CDC40: variants seen among roughly 807,000 people sequenced by gnomAD.
CDC40 encodes pre-mRNA-processing factor 17.
CDC40 carries 27 observed loss-of-function variants against 80.6 expected under a neutral mutation model. That is an observed-to-expected ratio of 0.33 (90% CI 0.25 to 0.46). CDC40 has a LOEUF of 0.46. Ranked by LOEUF, CDC40 falls within the 20% of genes least tolerant of loss-of-function variation. The pLI is 1.00. For synonymous variants in CDC40, 221 were observed against 232.6 expected (o/e 0.95, Z 0.45); for missense variants, 486 against 694.1 (o/e 0.70, Z 3.37).
At chr6:110,207,714 T>C (rs1777584076) in intron 4 of CDC40, 125 bp downstream of exon 4, 1 of 611,262 alleles carries the variant, frequency 1.6e-6, no homozygotes, top group Non-Finnish European at 3.0e-6. Context: ...GTTGAAACAA[T>C]GGAGCGATAC....
rs546170689 is a variant in CDC40 at position 110,227,542 on chromosome 6, T to A, written c.1418-1290T>A. On this transcript the variant is annotated intron_variant, in intron 13 of 14. Transcript: ENST00000307731. ...TTTGTGCCCATCTTGAACAAGGCCA[T>A]TTACCCACTCAGGCATTATTTAAGT... is the stretch of plus-strand genomic sequence containing the variant. Among the ~76,000 whole-genome samples the A allele has an allele frequency of 1.5e-4, 23 of 152,334 alleles. No individual in the cohort carries two copies. The South Asian group carries it at 4.6e-3, about 30-fold the overall frequency.
In CDC40 at chr6:110,230,373, G is replaced by A. The variant is rs1777919756; in HGVS notation, c.*242G>A. Reference sequence around the variant, plus strand: ...TCTATTTGACAAGTAGTTATAATTGGCAAGCAGTTTGAGTTTATACTCATG... The same window carrying A: ...TCTATTTGACAAGTAGTTATAATTGACAAGCAGTTTGAGTTTATACTCATG... On this transcript the variant is annotated 3_prime_UTR_variant, in exon 15 of 15. Transcript: ENST00000307731. The A allele has an allele frequency of 1.6e-5, 6 of 385,550 alleles. No homozygotes were observed. The highest frequency in any genetic ancestry group is 2.8e-5 in the Non-Finnish European group (6 of 216,316). 23.9% of individuals were successfully genotyped at this position (385,550 alleles called of 1,614,324 possible).
In CDC40 at chr6:110,223,801, G is replaced by GGTTTTGTTTTGTTTTGTTTT. The variant is rs59654476; in HGVS notation, c.1341-2336_1341-2317dup. 8.5e-4 allele frequency among the ~76,000 whole-genome samples: 122 copies of GGTTTTGTTTTGTTTTGTTTT among 143,356 alleles called. 2 individuals are homozygous for GGTTTTGTTTTGTTTTGTTTT. Among genetic ancestry groups the GGTTTTGTTTTGTTTTGTTTT allele is most frequent in the Admixed American group, 4.1e-3 (59 of 14,254 alleles). The allele number at this position is 143,356 out of a possible 152,430, so 94.0% of individuals were successfully genotyped here. On this transcript the variant is annotated intron_variant, in intron 12 of 14. Transcript: ENST00000307731. Reference sequence around the variant, plus strand: ...ATATTAGATATTCAGCAACTTGTAGGGTTTTGTTTTGTTTTGTTTTGTTTT... The same window carrying GGTTTTGTTTTGTTTTGTTTT: ...ATATTAGATATTCAGCAACTTGTAGGGTTTTGTTTTGTTTTGTTTTGTTTTGTTTTGTTTTGTTTTGTTTT...
intron 3 of CDC40, among the ~76,000 whole-genome samples, chr6:110,204,014 TTTTTA>T (rs1420408641): frequency 6.6e-6 from 1 of 152,146 alleles, no homozygotes; most frequent in Non-Finnish European, 1.5e-5. Context: ...TTTATTAACA[TTTTTA>T]TTTTATTTTT....
chr6:110,184,906 TGA>T (rs1391719795), intron 1 of CDC40, among the ~76,000 whole-genome samples: 3 of 152,212 alleles, frequency 2.0e-5, no homozygotes, highest in Non-Finnish European at 4.4e-5. Context: ...ACAATTACAG[TGA>T]GAGATTTTTA....
At chr6:110,198,683 A>T (rs1777451392) in intron 2 of CDC40, among the ~76,000 whole-genome samples, 1 of 152,192 alleles carries the variant, frequency 6.6e-6, no homozygotes, top group Admixed American at 6.5e-5. Flanking sequence ...ATAATTTACT[A>T]TATTGTTCTT....
At chr6:110,189,436 G>A (rs897893076) in intron 1 of CDC40, among the ~76,000 whole-genome samples, 4 of 152,102 alleles carry the variant, frequency 2.6e-5, no homozygotes, top group Admixed American at 6.6e-5. Context: ...ATATGAATCT[G>A]GAGCTCCATG....
intron 7 of CDC40, among the ~76,000 whole-genome samples, chr6:110,212,846 T>G (rs1777653765): frequency 6.6e-6 from 1 of 152,142 alleles, no homozygotes; most frequent in Admixed American, 6.5e-5. Flanking sequence ...GCAATTTGAT[T>G]GACTCAGGAT....
chr6:110,219,641 G>A (rs1777742770), intron 11 of CDC40, 95 bp from the exon 12 acceptor site: 2 of 1,397,882 alleles, frequency 1.4e-6, no homozygotes, highest in African/African-American at 2.9e-5. Context: ...AAAATATCGT[G>A]TTGAAGATCT....
At chr6:110,212,345 T>G in intron 7 of CDC40, 73 bp downstream of exon 7, 3 of 1,450,520 alleles carry the variant, frequency 2.1e-6, no homozygotes, top group Non-Finnish European at 2.9e-6. Context: ...TAGCTGTTGA[T>G]GTGGAACATT....
intron 1 of CDC40, among the ~76,000 whole-genome samples, chr6:110,181,885 C>T (rs772434657): frequency 2.0e-5 from 3 of 152,200 alleles, no homozygotes; most frequent in Non-Finnish European, 4.4e-5. Context: ...ACTTTCTCTC[C>T]GTTTCGCTTC....
rs1012339067 is a variant in CDC40, at chr6:110,192,241, A to G, written c.190-941A>G. ...AGGTAAGAAGCTACTCCAAAAACCC[A>G]GATACAAGATGTTAAGTTGAACCAC... On this transcript the variant is annotated intron_variant, in intron 1 of 14. Coordinates refer to ENST00000307731, the MANE Select transcript of CDC40 (RefSeq NM_015891.3). 5.3e-5 allele frequency among the ~76,000 whole-genome samples: 8 copies of G among 152,364 alleles called. No individual in the cohort carries two copies. The East Asian group carries it at 1.5e-3, about 29-fold the overall frequency.
At chr6:110,217,088 C>T (rs1249974907) in intron 9 of CDC40, among the ~76,000 whole-genome samples, 2 of 152,130 alleles carry the variant, frequency 1.3e-5, no homozygotes, top group African/African-American at 4.8e-5. Context: ...GGCTGGGCAA[C>T]AGAGCAAGAC....
In CDC40 at chr6:110,210,776, C is replaced by A; in HGVS notation, c.700C>A (p.Pro234Thr). Residue 234 changes from proline to threonine, a missense_variant, in exon 6 of 15, where the codon CCT (proline) becomes ACT (threonine). By Grantham distance (38) the Pro-to-Thr change is conservative. This residue lies in a region of CDC40 where 381 missense variants were observed against 492.1 expected (regional missense o/e 0.77). Coordinates refer to ENST00000307731, the MANE Select transcript of CDC40 (RefSeq NM_015891.3). ...AAAAGGAAAACAGGAAGAAGAGAAA[C>A]CTGGGGAGGAGAAGACAATCTTACA... The part of the protein sequence containing the change: ...QKKGKQEEEK[P>T]GEEKTILHVK... 6.4e-7 allele frequency: 1 copy of A among 1,565,292 alleles called. No homozygotes were observed. The highest frequency in any genetic ancestry group is 1.2e-5 in the South Asian group (1 of 83,504).
intron 8 of CDC40, among the ~76,000 whole-genome samples, 187 bp downstream of exon 8, chr6:110,213,347 A>G (rs529867624): frequency 6.6e-6 from 1 of 151,810 alleles, no homozygotes; most frequent in African/African-American, 2.4e-5. Flanking sequence ...CTGTGGTCCA[A>G]TTGGCTAGGC....
At chr6:110,221,448 C>T (rs1777774678) in intron 12 of CDC40, among the ~76,000 whole-genome samples, 1 of 152,192 alleles carries the variant, frequency 6.6e-6, no homozygotes, top group Non-Finnish European at 1.5e-5. Context: ...ACCACCACCA[C>T]TATACCCCTT....
Position 110,222,296 on chromosome 6 carries a change from C to T in CDC40, c.1340+2427C>T, listed in dbSNP as rs1777787846. On this transcript the variant is annotated intron_variant, in intron 12 of 14. Transcript: ENST00000307731. ...ATTAAAAGCTGGGCACAGTGGCTCA[C>T]GCCTGTAATCCCAGCACTTTGAGAG... Among the ~76,000 whole-genome samples, 7 of 151,884 alleles carry T rather than the reference C, an allele frequency of 4.6e-5. No homozygotes were observed. In the South Asian group the frequency reaches 1.0e-3, roughly 23 times the overall value.
chr6:110,205,212 A>G (rs1203052459), intron 3 of CDC40, among the ~76,000 whole-genome samples: 2 of 152,174 alleles, frequency 1.3e-5, no homozygotes, highest in Non-Finnish European at 2.9e-5. Context: ...AATCAATATT[A>G]TGGCCATTTC....
Position 110,212,149 on chromosome 6 carries a change from C to T in CDC40, c.744C>T (p.Asp248=). ...KTILHVKEMY[D]YQGRSYLHIP... ...TTGTTTCAGTTAAAGAAATGTATGA[C>T]TATCAAGGCAGGTCCTATCTTCACA... Residue 248 remains aspartate (D), a synonymous_variant, in exon 7 of 15, where the codon GAC becomes GAT. Coordinates refer to ENST00000307731, the MANE Select transcript of CDC40 (RefSeq NM_015891.3). 6.2e-7 allele frequency: 1 copy of T among 1,613,016 alleles called. No individual in the cohort carries two copies. The highest frequency in any genetic ancestry group is 8.5e-7 in the Non-Finnish European group (1 of 1,179,230).
Sources: allele counts gnomAD v4.1 joint callset (sites outside exome capture counted in the v4.1 genomes callset), GRCh38; gene constraint gnomAD v4.1.1; regional missense constraint gnomAD v4.1.1; transcripts MANE v1.5; gene names NCBI Gene and HGNC (gene_info 2026-07-23, HGNC 2026-07-21).